The following MDGA2 variants were observed in gnomAD, a reference collection of about 807,000 sequenced individuals.
MDGA2 encodes MAM domain containing glycosylphosphatidylinositol anchor 2.
A neutral mutation model predicts 117.8 loss-of-function variants in MDGA2; 40 were observed. The ratio of observed to expected loss-of-function variants is 0.34; its 90% CI spans 0.26 to 0.44. The LOEUF (loss-of-function observed/expected upper bound fraction) is 0.44, where lower values mean the gene tolerates loss of function less well. MDGA2 is among the 20% of genes least tolerant of loss of function. The probability of loss-of-function intolerance (pLI) is 1.00; values close to 1 mark genes in which losing one functional copy is unlikely to be tolerated. For missense variants in MDGA2, 1,123 were observed against 1,250.6 expected (o/e 0.90, Z 1.54); for synonymous variants, 452 against 439.0 (o/e 1.03, Z -0.37).
At chr14:47,596,705 C>T (rs946737671) in intron 1 of MDGA2, among the ~76,000 whole-genome samples, 4 of 152,186 alleles carry the variant, frequency 2.6e-5, no homozygotes, top group East Asian at 1.9e-4. Context: ...ACAGCTAATA[C>T]TACCTAAACA....
rs1342634289 is a variant in MDGA2 at position 46,840,740 on chromosome 14, G to C, written c.*1191C>G. ...AATTTCATTTCAAATGGAGGTTAGA[G>C]TAAAAAAATCACTTTTGTGTTTTAC... is the stretch of plus-strand genomic sequence containing the variant. On this transcript the variant is annotated 3_prime_UTR_variant, in exon 17 of 17. Transcript: ENST00000399232. The C allele has an allele frequency of 6.6e-6, 1 of 152,430 alleles. No individual in the cohort carries two copies. The highest frequency in any genetic ancestry group is 2.4e-5 in the African/African-American group (1 of 41,394). 9.4% of individuals were successfully genotyped at this position (152,430 alleles called of 1,614,324 possible).
intron 1 of MDGA2, among the ~76,000 whole-genome samples, chr14:47,460,590 T>A (rs1054491195): frequency 7.2e-5 from 11 of 152,138 alleles, no homozygotes; most frequent in Admixed American, 3.3e-4. Context: ...AAAGTTATAG[T>A]AAGTGTTGGG....
intron 3 of MDGA2, among the ~76,000 whole-genome samples, chr14:47,202,281 T>C (rs1357432894): frequency 6.6e-6 from 1 of 152,220 alleles, no homozygotes; most frequent in Non-Finnish European, 1.5e-5. Context: ...GATATCATCA[T>C]GGGCCTTTGA....
chr14:47,655,994 G>A (rs1032683764), intron 1 of MDGA2, among the ~76,000 whole-genome samples: 7 of 152,128 alleles, frequency 4.6e-5, no homozygotes, highest in Non-Finnish European at 1.0e-4. Context: ...GCCACTGAAG[G>A]TTTTTCAGCA....
intron 1 of MDGA2, among the ~76,000 whole-genome samples, chr14:47,529,165 AT>A (rs1311999802): frequency 5.3e-5 from 8 of 149,768 alleles, no homozygotes; most frequent in South Asian, 2.1e-4. Context: ...CACCTGGCTA[AT>A]TTTTTTTTTA....
intron 4 of MDGA2, among the ~76,000 whole-genome samples, chr14:47,138,461 T>A (rs1034275092): frequency 6.6e-6 from 1 of 152,108 alleles, no homozygotes; most frequent in Non-Finnish European, 1.5e-5. Context: ...TAATGGAAAG[T>A]GAATTTTCAA....
chr14:46,938,309 T>C (rs896828915), intron 9 of MDGA2, among the ~76,000 whole-genome samples: 2 of 151,588 alleles, frequency 1.3e-5, no homozygotes, highest in African/African-American at 4.8e-5. Context: ...GAGGCCTAGG[T>C]GGGTGGATCA....
At chr14:47,237,281 A>G (rs1886894600) in intron 2 of MDGA2, among the ~76,000 whole-genome samples, 1 of 152,178 alleles carries the variant, frequency 6.6e-6, no homozygotes, top group Non-Finnish European at 1.5e-5. Flanking sequence ...CAAATTGGAG[A>G]ACTCTAACTT....
intron 1 of MDGA2, among the ~76,000 whole-genome samples, chr14:47,552,451 C>A (rs1895600158): frequency 6.6e-6 from 1 of 152,152 alleles, no homozygotes; most frequent in South Asian, 2.1e-4. Context: ...TTGTTCAGGC[C>A]AAAAATATTG....
At chr14:47,337,190 TC>T (rs1176618704) in intron 1 of MDGA2, among the ~76,000 whole-genome samples, 1 of 152,098 alleles carries the variant, frequency 6.6e-6, no homozygotes, top group African/African-American at 2.4e-5. Context: ...ACTCAGTTTC[TC>T]ATAGAAATTA....
chr14:47,323,706 C>G (rs1429914829), intron 1 of MDGA2, among the ~76,000 whole-genome samples: 1 of 151,460 alleles, frequency 6.6e-6, no homozygotes, highest in East Asian at 1.9e-4. Flanking sequence ...AGAACAGTTA[C>G]TAAACATTTT....
At chr14:47,597,269 T>C (rs1896560791) in intron 1 of MDGA2, among the ~76,000 whole-genome samples, 1 of 152,176 alleles carries the variant, frequency 6.6e-6, no homozygotes, top group Admixed American at 6.5e-5. Context: ...GGGTAATCAA[T>C]AAATGATATA....
At chr14:47,343,756 C>T (rs1232587586) in intron 1 of MDGA2, among the ~76,000 whole-genome samples, 2 of 151,964 alleles carry the variant, frequency 1.3e-5, no homozygotes, top group Non-Finnish European at 2.9e-5. Flanking sequence ...TTCCCTAGTG[C>T]TCTAGGCCTT....
chr14:47,526,047 C>T (rs1894967473), intron 1 of MDGA2, among the ~76,000 whole-genome samples: 1 of 152,156 alleles, frequency 6.6e-6, no homozygotes, highest in African/African-American at 2.4e-5. Flanking sequence ...CTTTGACTTG[C>T]CAAATCTGTT....
chr14:47,080,926 CTT>C (rs973704083), intron 6 of MDGA2, among the ~76,000 whole-genome samples: 4 of 152,144 alleles, frequency 2.6e-5, no homozygotes, highest in Non-Finnish European at 5.9e-5. Context: ...CCTACTTTTA[CTT>C]TTATTCATGG....
At chr14:46,896,293 A>G (rs1883073625) in intron 10 of MDGA2, among the ~76,000 whole-genome samples, 1 of 152,188 alleles carries the variant, frequency 6.6e-6, no homozygotes, top group Admixed American at 6.5e-5. Context: ...CTAAAATTAT[A>G]GACATAGAAG....
chr14:47,468,584 G>A (rs944577236), intron 1 of MDGA2, among the ~76,000 whole-genome samples: 5 of 152,050 alleles, frequency 3.3e-5, no homozygotes, highest in Admixed American at 1.3e-4. Flanking sequence ...ATAAGTCAGC[G>A]AACACAAAGA....
At chr14:46,992,392 G>A (rs1461559813) in intron 8 of MDGA2, among the ~76,000 whole-genome samples, 1 of 152,008 alleles carries the variant, frequency 6.6e-6, no homozygotes, top group South Asian at 2.1e-4. Context: ...CCATTCAAGT[G>A]ATTAGTTAAG....
chr14:47,589,238 T>C (rs570053643), intron 1 of MDGA2, among the ~76,000 whole-genome samples: 1 of 152,168 alleles, frequency 6.6e-6, no homozygotes, highest in South Asian at 2.1e-4. Flanking sequence ...TGATGTTGTT[T>C]CTAAGAAATC....
Sources: allele counts gnomAD v4.1 joint callset (sites outside exome capture counted in the v4.1 genomes callset), GRCh38; gene constraint gnomAD v4.1.1; transcripts MANE v1.5; gene names NCBI Gene and HGNC (gene_info 2026-07-23, HGNC 2026-07-21).